OR12D2: variants seen among roughly 807,000 people sequenced by gnomAD.
OR12D2 encodes olfactory receptor 12D2.
For synonymous variants in OR12D2, 146 were observed against 142.3 expected (o/e 1.03, Z -0.19); for missense variants, 345 against 371.6 (o/e 0.93, Z 0.59).
In OR12D2 at chr6:29,397,472, A is replaced by G; in HGVS notation, c.773A>G (p.Tyr258Cys). The G allele has an allele frequency of 6.2e-7, 1 of 1,612,954 alleles. No individual in the cohort carries two copies. The highest frequency in any genetic ancestry group is 8.5e-7 in the Non-Finnish European group (1 of 1,180,016). The change falls in exon 2 of 2, where the codon TAT (tyrosine) becomes TGT (cysteine). Residue 258 changes from tyrosine to cysteine, a missense_variant. Coordinates refer to ENST00000642051, the MANE Select transcript of OR12D2 (RefSeq NM_013936.4). ...TTCTATGCACCTGTTCTTTTCACCT[A>G]TATCCATCCTGCGTTAGAGAGCTTC... Reference protein sequence around the residue: ...ILFYAPVLFTYIHPALESFMD... With the variant: ...ILFYAPVLFTCIHPALESFMD...
intron 1 of OR12D2, 134 bp from the exon 2 acceptor site, chr6:29,396,564 A>T: frequency 1.4e-6 from 1 of 724,450 alleles, no homozygotes; most frequent in Non-Finnish European, 2.4e-6. Flanking sequence ...AAGCTTCTAT[A>T]CAACTTCTGA....
Position 29,397,655 on chromosome 6 carries a change from T to A in OR12D2, c.*32T>A. 1 of 1,544,776 alleles carries A rather than the reference T, an allele frequency of 6.5e-7. No individual in the cohort carries two copies. The highest frequency in any genetic ancestry group is 8.8e-7 in the Non-Finnish European group (1 of 1,135,938). On this transcript the variant is annotated 3_prime_UTR_variant, in exon 2 of 2. Transcript: ENST00000642051. ...TAAACCAGAGAACTCTACTGAGGCA[T>A]AAATAACCAGCAATGAAAAAGTAGA...
In OR12D2 at chr6:29,397,084, C is replaced by G. The variant is rs1169993686; in HGVS notation, c.385C>G (p.Arg129Gly). Residue 129 changes from arginine to glycine, a missense_variant, in exon 2 of 2, where the codon CGC becomes GGC. Physicochemically the swap from Arg to Gly is moderately radical, Grantham distance 125. Transcript: ENST00000642051. Reference protein sequence around the residue: ...DLSVAICKPLRYTVIMNPQLC... With the variant: ...DLSVAICKPLGYTVIMNPQLC... ...CTCTGTGGCTATCTGCAAGCCACTT[C>G]GCTACACTGTCATCATGAACCCTCA... 1.9e-6 allele frequency: 3 copies of G among 1,613,064 alleles called. No homozygotes were observed. Among genetic ancestry groups the G allele is most frequent in the Non-Finnish European group, 2.5e-6 (3 of 1,180,022 alleles).
At position 29,397,600 on chromosome 6, in the gene OR12D2, G is replaced by T; in HGVS notation, c.901G>T (p.Gly301Cys). 1 of 1,612,514 alleles carries T rather than the reference G, an allele frequency of 6.2e-7. No individual in the cohort carries two copies. Among genetic ancestry groups the T allele is most frequent in the South Asian group, 1.1e-5 (1 of 91,028 alleles). The change falls in exon 2 of 2, where the codon GGT (glycine) becomes TGT (cysteine). Residue 301 changes from glycine (G) to cysteine (C), a missense_variant. By Grantham distance (159) the Gly-to-Cys change is radical (BLOSUM62 -3). Coordinates refer to ENST00000642051, the MANE Select transcript of OR12D2 (RefSeq NM_013936.4). ...GAACAAGGAAGTGAAGGGGGCCTTGGGTAGAGTGATCAGAAGGCTTTGATT... is the reference window on the plus strand; with the variant it reads ...GAACAAGGAAGTGAAGGGGGCCTTGTGTAGAGTGATCAGAAGGCTTTGATT... ...LRNKEVKGALGRVIRRL is the reference protein window; with the variant it reads ...LRNKEVKGALCRVIRRL
At position 29,395,732 on chromosome 6, in the gene OR12D2, T is replaced by C. The variant is rs1381972360; in HGVS notation, c.-86T>C. ...TTGTTGAGTCTATTGGAAGAGTTTT[T>C]CTTATTCAGAGATTCAGGGGTGTGA... On this transcript the variant is annotated 5_prime_UTR_variant, in exon 1 of 2. Transcript: ENST00000642051. The C allele has an allele frequency of 6.6e-6, 1 of 152,196 alleles. No homozygotes were observed. Among genetic ancestry groups the C allele is most frequent in the Non-Finnish European group, 1.5e-5 (1 of 68,016 alleles). The allele number at this position is 152,196 out of a possible 1,614,324, so 9.4% of individuals were successfully genotyped here. A position where few individuals can be genotyped will look rare whatever the true frequency, so the allele number is the denominator to read the frequency against.
In OR12D2 at chr6:29,397,966, G is replaced by A. The variant is rs948895798; in HGVS notation, c.*343G>A. The A allele has an allele frequency of 4.4e-6, 1 of 228,638 alleles. No homozygotes were observed. The highest frequency in any genetic ancestry group is 8.5e-6 in the Non-Finnish European group (1 of 118,004). 14.2% of individuals were successfully genotyped at this position (228,638 alleles called of 1,614,324 possible). A position where few individuals can be genotyped will look rare whatever the true frequency, so the allele number is the denominator to read the frequency against. On this transcript the variant is annotated 3_prime_UTR_variant, in exon 2 of 2. Coordinates refer to ENST00000642051, the MANE Select transcript of OR12D2 (RefSeq NM_013936.4). ...GTATTGTATAGATAGATGATATTTA[G>A]GACTGTTTGTCTGTGAGATCCTTTT...
intron 1 of OR12D2, 65 bp from the exon 2 acceptor site, chr6:29,396,633 T>C (rs924605938): frequency 6.7e-6 from 9 of 1,350,586 alleles, no homozygotes; most frequent in Non-Finnish European, 9.3e-6. Flanking sequence ...GGTGAGAAAA[T>C]TCTGAGCCGG....
In OR12D2 at chr6:29,397,695, C is replaced by G; in HGVS notation, c.*72C>G. The stretch of plus-strand genomic sequence containing the variant: ...GAAAAAGTAGAGATGTGTAATTTTA[C>G]TGCTTCTCAGATGGTTTATAAGTGT... On this transcript the variant is annotated 3_prime_UTR_variant, in exon 2 of 2. Coordinates refer to ENST00000642051, the MANE Select transcript of OR12D2 (RefSeq NM_013936.4). The G allele has an allele frequency of 7.5e-7, 1 of 1,332,740 alleles. No individual in the cohort carries two copies. Among genetic ancestry groups the G allele is most frequent in the Non-Finnish European group, 1.0e-6 (1 of 968,770 alleles). 82.6% of individuals were successfully genotyped at this position (1,332,740 alleles called of 1,614,324 possible).
In OR12D2 at chr6:29,397,707, T is replaced by A. The variant is rs1233304267; in HGVS notation, c.*84T>A. On this transcript the variant is annotated 3_prime_UTR_variant, in exon 2 of 2. Transcript: ENST00000642051. ...ATGTGTAATTTTACTGCTTCTCAGA[T>A]GGTTTATAAGTGTAAAATAGAGGCA... 7.9e-6 allele frequency: 10 copies of A among 1,259,020 alleles called. No homozygotes were observed. The highest frequency in any genetic ancestry group is 7.7e-6 in the Non-Finnish European group (7 of 909,354). The allele number at this position is 1,259,020 out of a possible 1,614,324, so 78.0% of individuals were successfully genotyped here.
intron 1 of OR12D2, chr6:29,396,432 T>G (rs1780521749): frequency 2.2e-6 from 1 of 459,088 alleles, no homozygotes; most frequent in Non-Finnish European, 3.8e-6. Context: ...AGATGTAAGT[T>G]AGCAACATGT....
chr6:29,397,544 C>A lies in OR12D2; in HGVS notation c.845C>A (p.Pro282His). The A allele has an allele frequency of 6.2e-7, 1 of 1,613,024 alleles. No individual in the cohort carries two copies. Residue 282 changes from proline to histidine, a missense_variant, in exon 2 of 2, where the codon CCT becomes CAT. By Grantham distance (77) the Pro-to-His change is moderately conservative. Coordinates refer to ENST00000642051, the MANE Select transcript of OR12D2 (RefSeq NM_013936.4). ...GCCATCATGTACACTGTGGTCACTC[C>A]TGTACTAAACCCACTGATCTATACT... ...IVAIMYTVVT[P>H]VLNPLIYTLR...
At chr6:29,396,450 C>A in intron 1 of OR12D2, 1 of 493,462 alleles carries the variant, frequency 2.0e-6, no homozygotes, top group Non-Finnish European at 3.6e-6. Flanking sequence ...TGTTCTAAAT[C>A]CCCAGAAGAA....
intron 1 of OR12D2, chr6:29,396,449 T>G (rs1326061802): frequency 4.1e-6 from 2 of 491,788 alleles, no homozygotes; most frequent in African/African-American, 3.9e-5. Context: ...ATGTTCTAAA[T>G]CCCCAGAAGA....
In OR12D2 at chr6:29,396,511, C is replaced by T. The variant is rs570645484; in HGVS notation, c.-2-187C>T. ...TTTTAAAAAGTGGTTAAGTCATAGTCCATAATATGCATGAATCCTTAATAT... is the reference window on the plus strand; with the variant it reads ...TTTTAAAAAGTGGTTAAGTCATAGTTCATAATATGCATGAATCCTTAATAT... On this transcript the variant is annotated intron_variant, in intron 1 of 1. Transcript: ENST00000642051. 25 of 599,368 alleles carry T rather than the reference C, an allele frequency of 4.2e-5. No homozygotes were observed. The African/African-American group carries it at 4.6e-4, about 11-fold the overall frequency. The allele number at this position is 599,368 out of a possible 1,614,324, so 37.1% of individuals were successfully genotyped here.
chr6:29,397,765 T>C lies in OR12D2; in HGVS notation c.*142T>C. On this transcript the variant is annotated 3_prime_UTR_variant, in exon 2 of 2. Transcript: ENST00000642051. ...AAAAGAAAAAAAAGTCCAATCTAGT[T>C]GTAGTAAACAATACATTTCTAAGTA... The C allele has an allele frequency of 1.6e-6, 1 of 639,612 alleles. No homozygotes were observed. The highest frequency in any genetic ancestry group is 2.6e-6 in the Non-Finnish European group (1 of 383,982). The allele number at this position is 639,612 out of a possible 1,614,324, so 39.6% of individuals were successfully genotyped here.
rs113539956 is a variant in OR12D2 at position 29,397,484 on chromosome 6, C to A, written c.785C>A (p.Ala262Glu). The A allele has an allele frequency of 8.1e-5, 131 of 1,612,994 alleles. No individual in the cohort carries two copies. The African/African-American group carries it at 1.6e-3, about 19-fold the overall frequency. Residue 262 changes from alanine (A) to glutamate (E), a missense_variant, in exon 2 of 2, where the codon GCG becomes GAG. Transcript: ENST00000642051. ...APVLFTYIHP[A>E]LESFMDQDRI... is the part of the protein sequence containing the mutation. The stretch of plus-strand genomic sequence containing the variant: ...GTTCTTTTCACCTATATCCATCCTG[C>A]GTTAGAGAGCTTCATGGACCAGGAC...
Position 29,396,723 on chromosome 6 carries a change from C to T in OR12D2, c.24C>T (p.Thr8=), listed in dbSNP as rs776987364. 8.7e-6 allele frequency: 14 copies of T among 1,611,552 alleles called. No homozygotes were observed. The highest frequency in any genetic ancestry group is 1.3e-5 in the African/African-American group (1 of 74,998). The change falls in exon 2 of 2, where the codon ACC becomes ACT. Residue 8 remains threonine (T), a synonymous_variant. Coordinates refer to ENST00000642051, the MANE Select transcript of OR12D2 (RefSeq NM_013936.4). The part of the protein sequence containing the change: MLNTTSV[T]EFLLLGVTDI... ...TGATGCTGAATACAACCTCAGTCAC[C>T]GAATTTCTCCTCTTGGGAGTGACAG...
At position 29,397,022 on chromosome 6, in the gene OR12D2, C is replaced by G. The variant is rs1780574685; in HGVS notation, c.323C>G (p.Thr108Arg). The change falls in exon 2 of 2, where the codon ACG becomes AGG. Residue 108 changes from threonine to arginine, a missense_variant. By Grantham distance (71) the Thr-to-Arg change is moderately conservative. Transcript: ENST00000642051. ...QLHFFHSLGS[T>R]ESMLFAVMAF... ...CATTTCTTCCACTCCCTGGGCAGCA[C>G]GGAGTCCATGTTGTTCGCCGTGATG... The G allele has an allele frequency of 6.2e-7, 1 of 1,612,970 alleles. No individual in the cohort carries two copies. Among genetic ancestry groups the G allele is most frequent in the African/African-American group, 1.3e-5 (1 of 74,908 alleles).
chr6:29,395,682 A>G lies in OR12D2; in HGVS notation c.-136A>G, dbSNP rs1163987917. 1.3e-5 allele frequency: 2 copies of G among 152,246 alleles called. No homozygotes were observed. The highest frequency in any genetic ancestry group is 3.8e-4 in the East Asian group (2 of 5,200). The allele number at this position is 152,246 out of a possible 1,614,324, so 9.4% of individuals were successfully genotyped here. On this transcript the variant is annotated 5_prime_UTR_variant, in exon 1 of 2. Transcript: ENST00000642051. ...ATTCTTAGATACTTTAGAAGAAGAC[A>G]CTATTGGGTAAAATGAAGGAAGAAT...
Sources: allele counts gnomAD v4.1 joint callset, GRCh38; gene constraint gnomAD v4.1.1; transcripts MANE v1.5; gene names NCBI Gene and HGNC (gene_info 2026-07-23, HGNC 2026-07-21).